TXNRD3: variants seen among roughly 807,000 people sequenced by gnomAD.
TXNRD3 encodes TXNRD3 neighbor gene protein.
A neutral mutation model predicts 78.2 loss-of-function variants in TXNRD3; 68 were observed. That is an observed-to-expected ratio of 0.87 (90% confidence interval 0.72 to 1.06). The LOEUF is 1.06. TXNRD3 is among the 50% of genes least tolerant of loss of function. The pLI is 0.00. For synonymous variants in TXNRD3, 296 were observed against 300.1 expected, an observed-to-expected ratio of 0.99 and a Z score of 0.14; for missense variants, 751 against 809.5, an observed-to-expected ratio of 0.93 and a Z score of 0.88.
intron 6 of TXNRD3, among the ~76,000 whole-genome samples, chr3:126,637,112 G>C (rs1932928713): frequency 6.6e-6 from 1 of 152,152 alleles, no homozygotes; most frequent in Non-Finnish European, 1.5e-5. Context: ...ACCTTTTGGA[G>C]ACTGGGTTAT....
chr3:126,651,201 T>C (rs1933379912), intron 1 of TXNRD3, among the ~76,000 whole-genome samples: 3 of 152,256 alleles, frequency 2.0e-5, no homozygotes, highest in Middle Eastern at 3.4e-3. Flanking sequence ...AGCGGCCACA[T>C]GTAAAGACGG....
At position 126,631,821 on chromosome 3, in the gene TXNRD3, G is replaced by A. The variant is rs763780159; in HGVS notation, c.914C>T (p.Thr305Met). 4.6e-5 allele frequency: 71 copies of A among 1,535,786 alleles called. No individual in the cohort carries two copies. The Middle Eastern group carries it at 6.7e-4, about 14-fold the overall frequency. The change falls in exon 8 of 16, where the codon ACG becomes ATG. Residue 305 changes from threonine (T) to methionine (M), a missense_variant. Thr to Met is a moderately conservative substitution (Grantham distance 81). Coordinates refer to ENST00000524230, the MANE Select transcript of TXNRD3 (RefSeq NM_052883.3). Reference sequence around the variant, plus strand: ...TCCTAAATACCGTGGCCTTTCACCCGTTGCTATGACAAACTGTGCAGCAGT... The same window carrying A: ...TCCTAAATACCGTGGCCTTTCACCCATTGCTATGACAAACTGTGCAGCAGT...
intron 6 of TXNRD3, among the ~76,000 whole-genome samples, chr3:126,637,964 G>C (rs1237109675): frequency 4.1e-5 from 1 of 24,114 alleles, no homozygotes; most frequent in Non-Finnish European, 7.4e-5. Flanking sequence ...TTTTTTTTTT[G>C]AGATGGAGTC....
At chr3:126,608,466 T>G in intron 15 of TXNRD3, 33 bp downstream of exon 15, 1 of 1,509,380 alleles carries the variant, frequency 6.6e-7, no homozygotes, top group East Asian at 2.5e-5. Context: ...CTACATCAAC[T>G]GAAGCCAATT....
At chr3:126,641,098 G>T (rs1933074592) in intron 6 of TXNRD3, among the ~76,000 whole-genome samples, 1 of 152,126 alleles carries the variant, frequency 6.6e-6, no homozygotes, top group African/African-American at 2.4e-5. Context: ...TGTAGCCAAG[G>T]ATAATCATTT....
intron 6 of TXNRD3, among the ~76,000 whole-genome samples, chr3:126,637,443 T>C (rs1932934439): frequency 6.6e-6 from 1 of 152,200 alleles, no homozygotes; most frequent in South Asian, 2.1e-4. Flanking sequence ...GTTTTTCTGT[T>C]TGCTTGTTTT....
intron 1 of TXNRD3, among the ~76,000 whole-genome samples, chr3:126,653,263 T>C (rs576802102): frequency 1.3e-5 from 2 of 152,368 alleles, no homozygotes; most frequent in South Asian, 4.1e-4. Flanking sequence ...TGGCTTAAGG[T>C]TGGTTTCCAA....
intron 5 of TXNRD3, among the ~76,000 whole-genome samples, 163 bp from the exon 6 acceptor site, chr3:126,642,314 G>A (rs1033023051): frequency 4.6e-5 from 7 of 152,118 alleles, no homozygotes; most frequent in South Asian, 4.1e-4. Context: ...TTCCAACTAC[G>A]GGTTCACAGA....
chr3:126,649,224 A>G (rs1269855232), intron 1 of TXNRD3, among the ~76,000 whole-genome samples: 1 of 152,258 alleles, frequency 6.6e-6, no homozygotes, highest in Admixed American at 6.5e-5. Flanking sequence ...ATAAATGGCC[A>G]ATAATAAGCA....
At chr3:126,653,532 T>C (rs1431936746) in intron 1 of TXNRD3, among the ~76,000 whole-genome samples, 1 of 152,238 alleles carries the variant, frequency 6.6e-6, no homozygotes, top group African/African-American at 2.4e-5. Flanking sequence ...ACTGCCAGAA[T>C]GGCAAAAATT....
chr3:126,644,141 T>C (rs1933167851), intron 4 of TXNRD3, 88 bp from the exon 5 acceptor site: 3 of 1,426,246 alleles, frequency 2.1e-6, no homozygotes, highest in Non-Finnish European at 2.8e-6. Flanking sequence ...TAAAAGACTG[T>C]TTTTGTGTGA....
At chr3:126,628,847 T>C (rs976205573) in intron 10 of TXNRD3, among the ~76,000 whole-genome samples, 1 of 152,140 alleles carries the variant, frequency 6.6e-6, no homozygotes, top group African/African-American at 2.4e-5. Flanking sequence ...TTGATGTTCT[T>C]TCTCTACGCT....
At chr3:126,627,958 T>C (rs1264290908) in intron 10 of TXNRD3, among the ~76,000 whole-genome samples, 1 of 152,170 alleles carries the variant, frequency 6.6e-6, no homozygotes, top group Non-Finnish European at 1.5e-5. Flanking sequence ...TAAATATAAA[T>C]GCATAAATTC....
chr3:126,615,817 T>C (rs1383313741), intron 12 of TXNRD3, among the ~76,000 whole-genome samples: 2 of 152,332 alleles, frequency 1.3e-5, no homozygotes, highest in East Asian at 3.9e-4. Flanking sequence ...TGGGCTCTGC[T>C]CCTGGAGCAC....
intron 6 of TXNRD3, among the ~76,000 whole-genome samples, chr3:126,640,358 C>T (rs1219507861): frequency 1.2e-4 from 1 of 8,484 alleles, no homozygotes. Context: ...CCGCCCGCCT[C>T]GGCCTCCCAA....
At position 126,634,004 on chromosome 3, in the gene TXNRD3, T is replaced by G; in HGVS notation, c.760A>C (p.Ser254Arg). 6.5e-7 allele frequency: 1 copy of G among 1,529,252 alleles called. No homozygotes were observed. The highest frequency in any genetic ancestry group is 2.4e-5 in the East Asian group (1 of 40,828). The allele number at this position is 1,529,252 out of a possible 1,614,324, so 94.7% of individuals were successfully genotyped here. The stretch of plus-strand genomic sequence containing the variant: ...AACCTGTAGCCCCAGTTTAGAGAGC[T>G]GATGTGGTTCTGAATCGCTTTTGTC... Residue 254 changes from serine (S) to arginine (R), a missense_variant, in exon 7 of 16, where the codon AGC (serine) becomes CGC (arginine). Ser to Arg is a moderately radical substitution (Grantham distance 110). Coordinates refer to ENST00000524230, the MANE Select transcript of TXNRD3 (RefSeq NM_052883.3).
chr3:126,629,535 G>T, intron 9 of TXNRD3, 64 bp from the exon 10 acceptor site: 1 of 1,223,950 alleles, frequency 8.2e-7, no homozygotes, highest in Non-Finnish European at 1.1e-6. Flanking sequence ...ACACGAAAGG[G>T]TCTACACCGG....
At chr3:126,652,797 T>C (rs1282612493) in intron 1 of TXNRD3, among the ~76,000 whole-genome samples, 1 of 152,204 alleles carries the variant, frequency 6.6e-6, no homozygotes, top group Admixed American at 6.5e-5. Context: ...ATGGAGTAAG[T>C]GGGTTGGAAA....
chr3:126,641,221 AG>A (rs1933077292), intron 6 of TXNRD3, among the ~76,000 whole-genome samples: 1 of 152,042 alleles, frequency 6.6e-6, no homozygotes. Flanking sequence ...TTCTTTAGGG[AG>A]TTTTTTTCTG....
Sources: gnomAD v4.1 joint callset for allele counts (sites outside exome capture counted in the v4.1 genomes callset) on GRCh38, gnomAD v4.1.1 for gene constraint, MANE v1.5 for transcripts, NCBI Gene and HGNC (gene_info 2026-07-23, HGNC 2026-07-21) for gene names.